The following PTBP3 variants were observed in gnomAD, a reference collection of about 807,000 sequenced individuals.
The protein encoded by PTBP3 is polypyrimidine tract-binding protein 3.
Under a neutral mutation model 58.7 loss-of-function variants are expected in PTBP3, and 20 were observed. The observed-to-expected ratio is 0.34, with a 90% CI of 0.24 to 0.50. The LOEUF is 0.50. Ranked by LOEUF, PTBP3 falls within the 20% of genes least tolerant of loss-of-function variation. PTBP3 has a pLI of 0.98. For synonymous variants in PTBP3, 185 were observed against 219.8 expected, an observed-to-expected ratio of 0.84 and a Z score of 1.40; for missense variants, 509 against 637.2, an observed-to-expected ratio of 0.80 and a Z score of 2.17.
At chr9:112,353,134 C>G in the PTBP3 span, among the ~76,000 whole-genome samples, 1 of 152,092 alleles carries the variant, frequency 6.6e-6, no homozygotes, top group Non-Finnish European at 1.5e-5. Flanking sequence ...CTCCTGACCT[C>G]GAGTGATCCA....
chr9:112,282,643 A>AT (rs1024960341), intron 2 of PTBP3, among the ~76,000 whole-genome samples: 65 of 146,440 alleles, frequency 4.4e-4, no homozygotes, highest in Middle Eastern at 3.5e-3. Context: ...GTTTATTTTT[A>AT]TTTTTTTTTT....
chr9:112,369,016 G>A, the PTBP3 span, among the ~76,000 whole-genome samples: 3 of 152,236 alleles, frequency 2.0e-5, no homozygotes, highest in East Asian at 3.8e-4. Flanking sequence ...ACGAGGTCTT[G>A]TGCCTGCAGA....
the PTBP3 span, among the ~76,000 whole-genome samples, chr9:112,355,884 T>C: frequency 6.6e-6 from 1 of 152,180 alleles, no homozygotes; most frequent in Non-Finnish European, 1.5e-5. Flanking sequence ...CACAAAGTGC[T>C]GGGAATACAG....
rs10660630 is a variant in PTBP3, at chr9:112,329,845, C to CTTT, written c.-52+3622_-52+3624dup. Among the ~76,000 whole-genome samples, 563 of 131,962 alleles carry CTTT rather than the reference C, an allele frequency of 4.3e-3. 21 individuals carry two copies. Among genetic ancestry groups the CTTT allele is most frequent in the African/African-American group, 8.0e-3 (279 of 34,832 alleles). The allele number at this position is 131,962 out of a possible 152,430, so 86.6% of individuals were successfully genotyped here. A position where few individuals can be genotyped will look rare whatever the true frequency, so the allele number is the denominator to read the frequency against. On this transcript the variant is annotated intron_variant, in intron 1 of 13. Transcript: ENST00000374257. ...AAGATAAATCAGAGCCTAGGCTACA[C>CTTT]TTTTTTTTTTTTTTTTCTGAGACAG...
At chr9:112,283,909 G>T (rs1257105250) in intron 2 of PTBP3, among the ~76,000 whole-genome samples, 1 of 152,238 alleles carries the variant, frequency 6.6e-6, no homozygotes, top group Non-Finnish European at 1.5e-5. Flanking sequence ...TTGCTTCAGA[G>T]GGTGCAAGCC....
Position 112,227,566 on chromosome 9 carries a change from T to C in PTBP3, c.1209A>G (p.Lys403=). ...YGKVLRATLS[K]HQAVQLPREG... is the part of the protein sequence containing the mutation. ...CTCGAGGAAGCTGTACTGCTTGATG[T>C]TTGGACAGTGTAGCACGAAGCACTT... The change falls in exon 12 of 14, where the codon AAA becomes AAG. Residue 403 remains lysine, a synonymous_variant. Transcript: ENST00000374257. 1 of 1,613,984 alleles carries C rather than the reference T, an allele frequency of 6.2e-7. No homozygotes were observed. The highest frequency in any genetic ancestry group is 8.5e-7 in the Non-Finnish European group (1 of 1,179,944).
At chr9:112,323,727 C>T (rs915694997) in intron 1 of PTBP3, among the ~76,000 whole-genome samples, 4 of 152,040 alleles carry the variant, frequency 2.6e-5, no homozygotes, top group African/African-American at 9.7e-5. Flanking sequence ...AACTGAAATG[C>T]AAAGGAAAAT....
chr9:112,232,288 T>C (rs1260101774), intron 8 of PTBP3, 50 bp from the exon 9 acceptor site: 2 of 1,446,016 alleles, frequency 1.4e-6, no homozygotes, highest in Non-Finnish European at 1.9e-6. Flanking sequence ...TGAAGAACTG[T>C]AACACTTGAT....
In PTBP3 at chr9:112,275,929, C is replaced by T; in HGVS notation, c.119G>A (p.Cys40Tyr). 8 of 1,613,674 alleles carry T rather than the reference C, an allele frequency of 5.0e-6. No individual in the cohort carries two copies. The highest frequency in any genetic ancestry group is 5.9e-6 in the Non-Finnish European group (7 of 1,179,606). The change falls in exon 3 of 14, where the codon TGT (cysteine) becomes TAT (tyrosine). Residue 40 changes from cysteine (C) to tyrosine (Y), a missense_variant. Transcript: ENST00000374257. Reference sequence around the variant, plus strand: ...TATGATCTCTGCTTCGGTGACATCACATGGAATTTTTCGAAGATGGAGAAC... The same window carrying T: ...TATGATCTCTGCTTCGGTGACATCATATGGAATTTTTCGAAGATGGAGAAC... ...SRVLHLRKIP[C>Y]DVTEAEIISL...
intron 4 of PTBP3, among the ~76,000 whole-genome samples, chr9:112,263,949 T>C (rs932128376): frequency 2.6e-5 from 4 of 152,084 alleles, no homozygotes; most frequent in Admixed American, 2.6e-4. Flanking sequence ...GCAACTATTA[T>C]TACTTTGGGG....
At chr9:112,337,986 A>G (rs1830590041), upstream of PTBP3, among the ~76,000 whole-genome samples, 1 of 152,254 alleles carries the variant, frequency 6.6e-6, no homozygotes, top group Admixed American at 6.5e-5. Flanking sequence ...ACAAATACAA[A>G]ATCATCATAA....
rs75035558 is a variant in PTBP3, at chr9:112,294,302, A to T, written c.34+3530T>A. ...CCAAGGAAGGAGGATTGATTGATTG[A>T]GCCCAGGAGTTTGAGACCAGCCTAT... is the stretch of plus-strand genomic sequence containing the variant. On this transcript the variant is annotated intron_variant, in intron 2 of 13. Transcript: ENST00000374257. 7.3e-3 allele frequency among the ~76,000 whole-genome samples: 1,105 copies of T among 152,252 alleles called. 102 individuals are homozygous for T. In the East Asian group the frequency reaches 0.18, roughly 25 times the overall value.
intron 3 of PTBP3, among the ~76,000 whole-genome samples, chr9:112,273,198 CAAAT>C (rs1164079014): frequency 6.6e-6 from 1 of 152,086 alleles, no homozygotes; most frequent in East Asian, 1.9e-4. Context: ...TAAAACTCCC[CAAAT>C]AAATAAAAAT....
chr9:112,326,895 T>C (rs1348032999), intron 1 of PTBP3, among the ~76,000 whole-genome samples: 2 of 152,144 alleles, frequency 1.3e-5, no homozygotes, highest in Non-Finnish European at 1.5e-5. Flanking sequence ...ATCTAGTTGG[T>C]TCTTCATTTA....
At chr9:112,345,469 G>A in the PTBP3 span, among the ~76,000 whole-genome samples, 1 of 149,806 alleles carries the variant, frequency 6.7e-6, no homozygotes, top group Non-Finnish European at 1.5e-5. Flanking sequence ...TCCACCTCCT[G>A]GGTTCAGGTG....
rs897558197 is a variant in PTBP3, at chr9:112,219,628, A to T, written c.*4223T>A. 6.5e-6 allele frequency: 1 copy of T among 152,766 alleles called. No individual in the cohort carries two copies. Among genetic ancestry groups the T allele is most frequent in the Admixed American group, 6.5e-5 (1 of 15,306 alleles). 9.5% of individuals were successfully genotyped at this position (152,766 alleles called of 1,614,324 possible). A position where few individuals can be genotyped will look rare whatever the true frequency, so the allele number is the denominator to read the frequency against. On this transcript the variant is annotated 3_prime_UTR_variant, in exon 14 of 14. Transcript: ENST00000374257. The stretch of plus-strand genomic sequence containing the variant: ...TGATAAAGGCAAAAGTGTAACTGAG[A>T]CTTTATTTATAGTTACAATTCTTTG...
the PTBP3 span, among the ~76,000 whole-genome samples, chr9:112,361,080 T>C: frequency 6.6e-6 from 1 of 152,108 alleles, no homozygotes; most frequent in African/African-American, 2.4e-5. Context: ...TTAAACTTCA[T>C]AGACTTTATT....
intron 1 of PTBP3, among the ~76,000 whole-genome samples, chr9:112,320,303 TATATATATA>T (rs1322648088): frequency 1.9e-5 from 1 of 53,412 alleles, no homozygotes; most frequent in African/African-American, 1.4e-4. Flanking sequence ...TATATATATA[TATATATATA>T]TATTTTTTTT....
rs78172302 is a variant in PTBP3, at chr9:112,238,916, C to T, written c.803-4019G>A. Among the ~76,000 whole-genome samples, 1,185 of 152,216 alleles carry T rather than the reference C, an allele frequency of 7.8e-3. 27 individuals carry two copies. Among genetic ancestry groups the T allele is most frequent in the Admixed American group, 0.04 (616 of 15,290 alleles). On this transcript the variant is annotated intron_variant, in intron 7 of 13. Coordinates refer to ENST00000374257, the MANE Select transcript of PTBP3 (RefSeq NM_001163788.4). ...TCCTAAGTGAAATACTAAAAAGGAT[C>T]CTCAGGCAGAATATAAGTGTTTTCA...
Sources: gnomAD v4.1 joint callset for allele counts (sites outside exome capture counted in the v4.1 genomes callset) on GRCh38, gnomAD v4.1.1 for gene constraint, MANE v1.5 for transcripts, NCBI Gene and HGNC (gene_info 2026-07-23, HGNC 2026-07-21) for gene names.